The following DPYSL2 variants were observed in gnomAD, a reference collection of about 807,000 sequenced individuals.
The protein encoded by DPYSL2 is dihydropyrimidinase like 2, also known as dihydropyrimidinase-related protein 2.
In DPYSL2, 13 loss-of-function variants were observed where a neutral mutation model predicts 69.9. The observed-to-expected ratio is 0.19, with a 90% CI of 0.12 to 0.30. The LOEUF is 0.30. Ranked by LOEUF, DPYSL2 falls within the 10% of genes least tolerant of loss-of-function variation. The pLI, the probability that DPYSL2 is intolerant of heterozygous loss-of-function variation, is 1.00. For synonymous variants in DPYSL2, 326 were observed against 359.1 expected (o/e 0.91, Z 1.04); for missense variants, 587 against 918.9 (o/e 0.64, Z 4.67).
In DPYSL2 at chr8:26,646,670, C is replaced by T. The variant is rs528212290; in HGVS notation, c.1426-960C>T. On this transcript the variant is annotated intron_variant, in intron 10 of 13. Transcript: ENST00000521913. ...TTGGCACCTAAAACCAGATGTGGGG[C>T]GGAGACTTCTAGGTTGGCTAGACTA... 2.0e-3 allele frequency among the ~76,000 whole-genome samples: 305 copies of T among 152,094 alleles called. 9 individuals are homozygous for T. The South Asian group carries it at 0.061, about 30-fold the overall frequency.
intron 1 of DPYSL2, among the ~76,000 whole-genome samples, chr8:26,559,083 C>A (rs1217346175): frequency 6.6e-6 from 1 of 152,136 alleles, no homozygotes; most frequent in East Asian, 1.9e-4. Flanking sequence ...ACTGGGACTA[C>A]AAGCGCACGC....
At chr8:26,526,621 G>A (rs887513651) in intron 1 of DPYSL2, among the ~76,000 whole-genome samples, 1 of 152,180 alleles carries the variant, frequency 6.6e-6, no homozygotes, top group Non-Finnish European at 1.5e-5. Flanking sequence ...ATTTCTGACT[G>A]ATGAAAAGGC....
Position 26,586,506 on chromosome 8 carries a change from G to A in DPYSL2, c.628+2523G>A, listed in dbSNP as rs574544436. On this transcript the variant is annotated intron_variant, in intron 3 of 13. Transcript: ENST00000521913. The surrounding 1 kb of genome is among the most constrained non-coding windows in gnomAD (Gnocchi z 4.7). ...GTCTGCCTCTTCCCTCCACACGCTC[G>A]CCCCGTGCTTAGGCCCCCACTCTTG... Among the ~76,000 whole-genome samples the A allele has an allele frequency of 1.5e-4, 23 of 152,112 alleles. No homozygotes were observed. The highest frequency in any genetic ancestry group is 3.4e-3 in the Middle Eastern group (1 of 294).
chr8:26,573,978 C>T (rs1177492906), intron 1 of DPYSL2, among the ~76,000 whole-genome samples: 3 of 151,286 alleles, frequency 2.0e-5, no homozygotes, highest in African/African-American at 7.3e-5. Context: ...CTTATTTATG[C>T]ACAAAATGTT....
At chr8:26,615,927 T>C (rs1340785535) in intron 3 of DPYSL2, among the ~76,000 whole-genome samples, 1 of 152,224 alleles carries the variant, frequency 6.6e-6, no homozygotes, top group Non-Finnish European at 1.5e-5. Context: ...CACAGTGTTT[T>C]ATGCATGGGC....
chr8:26,554,295 C>A (rs1050091258), intron 1 of DPYSL2, among the ~76,000 whole-genome samples: 1 of 151,382 alleles, frequency 6.6e-6, no homozygotes, highest in Non-Finnish European at 1.5e-5. Context: ...CTTTTTTTCA[C>A]ATGCTTTTTG....
rs1476978664 is a variant in DPYSL2 at position 26,533,428 on chromosome 8, A to C, written c.354+18749A>C. ...TTGTACTTTTGGTATCCTATTTAAG[A>C]GCGTATTTCCTATTCCAAGGTCACA... On this transcript the variant is annotated intron_variant, in intron 1 of 13. Coordinates refer to ENST00000521913, the MANE Select transcript of DPYSL2 (RefSeq NM_001197293.3). The surrounding 1 kb of genome is among the most constrained non-coding windows in gnomAD (Gnocchi z 4.8). 6.6e-6 allele frequency among the ~76,000 whole-genome samples: 1 copy of C among 152,104 alleles called. No individual in the cohort carries two copies. Among genetic ancestry groups the C allele is most frequent in the Non-Finnish European group, 1.5e-5 (1 of 68,016 alleles).
chr8:26,556,958 G>A (rs756564195), intron 1 of DPYSL2, among the ~76,000 whole-genome samples: 1 of 152,106 alleles, frequency 6.6e-6, no homozygotes, highest in Non-Finnish European at 1.5e-5. Context: ...AAGGAACAAG[G>A]ACAATTCAGT....
At chr8:26,635,076 G>C (rs1027837415) in intron 8 of DPYSL2, among the ~76,000 whole-genome samples, 176 bp downstream of exon 8, 2 of 152,236 alleles carry the variant, frequency 1.3e-5, no homozygotes, top group African/African-American at 4.8e-5. Context: ...TTCCTCCTCT[G>C]CTCCACTGCT....
chr8:26,596,346 T>C (rs1159988126), intron 3 of DPYSL2, among the ~76,000 whole-genome samples: 1 of 152,208 alleles, frequency 6.6e-6, no homozygotes, highest in Non-Finnish European at 1.5e-5. Context: ...TAAAAATGAT[T>C]GCAGGACAGC....
chr8:26,627,780 C>T lies in DPYSL2; in HGVS notation c.937-92C>T, dbSNP rs1239820051. 3.0e-6 allele frequency: 4 copies of T among 1,316,042 alleles called. No individual in the cohort carries two copies. In the African/African-American group the frequency reaches 5.8e-5, roughly 19 times the overall value. The allele number at this position is 1,316,042 out of a possible 1,614,324, so 81.5% of individuals were successfully genotyped here. On this transcript the variant is annotated intron_variant, in intron 6 of 13. Coordinates refer to ENST00000521913, the MANE Select transcript of DPYSL2 (RefSeq NM_001197293.3). This position sits in a 1 kb window ranked among gnomAD's most constrained non-coding sequence, Gnocchi z 6.9. The stretch of plus-strand genomic sequence containing the variant: ...ACGATCGGCAGTGGTAATTTTCCAT[C>T]TTGCCCGGATAACTGCATGCCCGGG...
Position 26,598,084 on chromosome 8 carries a change from T to C in DPYSL2, c.628+14101T>C, listed in dbSNP as rs1030253648. The stretch of plus-strand genomic sequence containing the variant: ...GCATGTCTTGCATAATAGGGTTGCT[T>C]TGAGGATCCAGGGAGGTGGTGGCTA... On this transcript the variant is annotated intron_variant, in intron 3 of 13. Coordinates refer to ENST00000521913, the MANE Select transcript of DPYSL2 (RefSeq NM_001197293.3). This position sits in a 1 kb window ranked among gnomAD's most constrained non-coding sequence, Gnocchi z 4.2. Among the ~76,000 whole-genome samples, 17 of 152,132 alleles carry C rather than the reference T, an allele frequency of 1.1e-4. No individual in the cohort carries two copies. Among genetic ancestry groups the C allele is most frequent in the African/African-American group, 2.4e-4 (10 of 41,420 alleles).
Position 26,610,421 on chromosome 8 carries a change from T to A in DPYSL2, c.629-13722T>A, listed in dbSNP as rs1262618909. Among the ~76,000 whole-genome samples, 1 of 152,198 alleles carries A rather than the reference T, an allele frequency of 6.6e-6. No individual in the cohort carries two copies. Among genetic ancestry groups the A allele is most frequent in the Non-Finnish European group, 1.5e-5 (1 of 68,032 alleles). On this transcript the variant is annotated intron_variant, in intron 3 of 13. Transcript: ENST00000521913. This position sits in a 1 kb window ranked among gnomAD's most constrained non-coding sequence, Gnocchi z 4.5. ...TCTGTTGACAGAGGGTCTCTATGCT[T>A]CTTCCTTTTCTAGCATTTACTCTTA...
chr8:26,646,984 A>G (rs1295134477), intron 10 of DPYSL2, among the ~76,000 whole-genome samples: 1 of 151,008 alleles, frequency 6.6e-6, no homozygotes, highest in African/African-American at 2.5e-5. Context: ...CTGTCTCAAA[A>G]AAAAGATTAA....
rs191364253 is a variant in DPYSL2, at chr8:26,569,967, G to A, written c.355-12002G>A. ...CACCTGTAATCTGAGCACTTTAGGA[G>A]GATCAGTTGAGGCCAGGAGTTTGAG... is the stretch of plus-strand genomic sequence containing the variant. On this transcript the variant is annotated intron_variant, in intron 1 of 13. Transcript: ENST00000521913. Among the ~76,000 whole-genome samples, 139 of 152,224 alleles carry A rather than the reference G, an allele frequency of 9.1e-4. 4 individuals are homozygous for A. Among genetic ancestry groups the A allele is most frequent in the Non-Finnish European group, 4.4e-5 (3 of 68,020 alleles).
In DPYSL2 at chr8:26,624,026, T is replaced by C; in HGVS notation, c.629-117T>C. ...GATTCTTAGAAGCTGGTTGTAGAGA[T>C]CACCATCTCGATTTTGAACCCAAGA... On this transcript the variant is annotated intron_variant, in intron 3 of 13. Coordinates refer to ENST00000521913, the MANE Select transcript of DPYSL2 (RefSeq NM_001197293.3). The surrounding 1 kb of genome is among the most constrained non-coding windows in gnomAD (Gnocchi z 4.7). 9.4e-7 allele frequency: 1 copy of C among 1,060,932 alleles called. No individual in the cohort carries two copies. Among genetic ancestry groups the C allele is most frequent in the South Asian group, 1.5e-5 (1 of 64,940 alleles). The allele number at this position is 1,060,932 out of a possible 1,614,324, so 65.7% of individuals were successfully genotyped here.
intron 1 of DPYSL2, among the ~76,000 whole-genome samples, chr8:26,566,984 G>A (rs894223214): frequency 6.6e-6 from 1 of 150,588 alleles, no homozygotes; most frequent in Non-Finnish European, 1.5e-5. Flanking sequence ...CCCGTCATCT[G>A]TCTATCCATC....
Position 26,619,406 on chromosome 8 carries a change from C to T in DPYSL2, c.629-4737C>T, listed in dbSNP as rs183844295. 6.6e-6 allele frequency: 1 copy of T among 152,156 alleles called. No individual in the cohort carries two copies. Among genetic ancestry groups the T allele is most frequent in the Non-Finnish European group, 1.5e-5 (1 of 68,028 alleles). 9.4% of individuals were successfully genotyped at this position (152,156 alleles called of 1,614,324 possible). A position where few individuals can be genotyped will look rare whatever the true frequency, so the allele number is the denominator to read the frequency against. On this transcript the variant is annotated intron_variant, in intron 3 of 13. Coordinates refer to ENST00000521913, the MANE Select transcript of DPYSL2 (RefSeq NM_001197293.3). This position sits in a 1 kb window ranked among gnomAD's most constrained non-coding sequence, Gnocchi z 4.8. The stretch of plus-strand genomic sequence containing the variant: ...AGCTGTGTCCGGGTCCTGAGTTTTT[C>T]AAGGGTTTATAACCCCCGGAGCTGA...
intron 1 of DPYSL2, among the ~76,000 whole-genome samples, chr8:26,553,337 A>C (rs1237415047): frequency 1.4e-5 from 2 of 147,286 alleles, no homozygotes; most frequent in Non-Finnish European, 3.0e-5. Flanking sequence ...TACTAAGCCT[A>C]GTACCCAATA....
Sources: gnomAD v4.1 joint callset for allele counts (sites outside exome capture counted in the v4.1 genomes callset) on GRCh38, gnomAD v4.1.1 for gene constraint, Gnocchi (gnomAD v3.1) non-coding constraint, MANE v1.5 for transcripts, NCBI Gene and HGNC (gene_info 2026-07-23, HGNC 2026-07-21) for gene names.